Variants in SCFD2 observed in about 807,000 individuals in gnomAD.
SCFD2 encodes the protein sec1 family domain containing 2.
A neutral mutation model predicts 58.9 loss-of-function variants in SCFD2; 54 were observed. The ratio of observed to expected loss-of-function variants is 0.92; its 90% CI spans 0.74 to 1.15. The LOEUF (loss-of-function observed/expected upper bound fraction) is 1.15, where lower values mean the gene tolerates loss of function less well. Ranked by LOEUF, SCFD2 falls within the 50% of genes most tolerant of loss-of-function variation. The pLI, the probability that SCFD2 is intolerant of heterozygous loss-of-function variation, is 0.00. For missense variants in SCFD2, 805 were observed against 836.6 expected, an observed-to-expected ratio of 0.96 and a Z score of 0.47; for synonymous variants, 321 against 335.9, an observed-to-expected ratio of 0.96 and a Z score of 0.49.
At chr4:52,919,314 C>T (rs1212471568) in intron 6 of SCFD2, among the ~76,000 whole-genome samples, 1 of 152,212 alleles carries the variant, frequency 6.6e-6, no homozygotes, top group African/African-American at 2.4e-5. Flanking sequence ...CATCATATAT[C>T]ACTAGTTCTA....
intron 5 of SCFD2, among the ~76,000 whole-genome samples, chr4:53,000,568 G>T (rs1229592578): frequency 6.6e-6 from 1 of 152,196 alleles, no homozygotes; most frequent in Non-Finnish European, 1.5e-5. Context: ...GGAGCCAGGG[G>T]ATCCATAAGC....
intron 4 of SCFD2, among the ~76,000 whole-genome samples, chr4:53,234,666 A>G (rs1202059296): frequency 1.3e-5 from 2 of 152,194 alleles, no homozygotes; most frequent in African/African-American, 2.4e-5. Context: ...ATATTCATAC[A>G]CTACTTCCAA....
intron 1 of SCFD2, among the ~76,000 whole-genome samples, chr4:53,357,184 G>A (rs28396593): frequency 0.11 from 16,909 of 151,992 alleles, 1,717 homozygotes; most frequent in South Asian, 0.28. Flanking sequence ...CACTTTGGGA[G>A]GCTGAGGTGG....
chr4:53,029,245 A>C (rs925449065), intron 5 of SCFD2, among the ~76,000 whole-genome samples: 5 of 152,174 alleles, frequency 3.3e-5, no homozygotes, highest in Non-Finnish European at 7.3e-5. Context: ...CTTACGAAAA[A>C]AAAAATTTAA....
intron 4 of SCFD2, among the ~76,000 whole-genome samples, chr4:53,229,735 CAA>C (rs1729364689): frequency 6.6e-6 from 1 of 152,142 alleles, no homozygotes; most frequent in African/African-American, 2.4e-5. Context: ...TCTAAAACAC[CAA>C]AAGCAATGGC....
intron 4 of SCFD2, among the ~76,000 whole-genome samples, chr4:53,263,580 A>G (rs1278723291): frequency 6.6e-6 from 1 of 152,212 alleles, no homozygotes; most frequent in Non-Finnish European, 1.5e-5. Flanking sequence ...GAGTGTCTGC[A>G]AAGAGTCCTA....
chr4:52,936,808 T>C (rs1300396043), intron 5 of SCFD2, among the ~76,000 whole-genome samples: 2 of 152,258 alleles, frequency 1.3e-5, no homozygotes, highest in Non-Finnish European at 2.9e-5. Flanking sequence ...ATTTATCACC[T>C]TCGCTTCTGC....
chr4:52,901,008 T>C (rs1719184216), intron 7 of SCFD2, among the ~76,000 whole-genome samples: 1 of 152,168 alleles, frequency 6.6e-6, no homozygotes, highest in Non-Finnish European at 1.5e-5. Context: ...AGTATTAGGG[T>C]GGGAGTGACC....
chr4:53,173,360 A>T (rs564683447), intron 4 of SCFD2, among the ~76,000 whole-genome samples: 1 of 152,324 alleles, frequency 6.6e-6, no homozygotes, highest in South Asian at 2.1e-4. Flanking sequence ...TCAAAAAATC[A>T]TAAGTCAATC....
At chr4:52,913,150 C>T (rs1351116100) in intron 6 of SCFD2, among the ~76,000 whole-genome samples, 2 of 152,126 alleles carry the variant, frequency 1.3e-5, no homozygotes. Flanking sequence ...AATAGGAGAT[C>T]TGTGCCCTGC....
At chr4:52,895,381 C>T (rs566857289) in intron 7 of SCFD2, among the ~76,000 whole-genome samples, 1 of 152,158 alleles carries the variant, frequency 6.6e-6, no homozygotes, top group East Asian at 1.9e-4. Flanking sequence ...TCCTTGTGTT[C>T]TCATTGTTCA....
At chr4:53,296,791 C>T (rs950910345) in intron 3 of SCFD2, among the ~76,000 whole-genome samples, 1 of 152,144 alleles carries the variant, frequency 6.6e-6, no homozygotes, top group Admixed American at 6.5e-5. Flanking sequence ...ATAAATTTCC[C>T]TCTGCACACT....
chr4:52,964,803 T>C (rs1415795708), intron 5 of SCFD2, among the ~76,000 whole-genome samples: 1 of 151,994 alleles, frequency 6.6e-6, no homozygotes, highest in Non-Finnish European at 1.5e-5. Context: ...TGAGTACTCC[T>C]AAGGGTGAGC....
At chr4:53,251,428 A>C (rs1243572276) in intron 4 of SCFD2, among the ~76,000 whole-genome samples, 20 of 152,192 alleles carry the variant, frequency 1.3e-4, no homozygotes, top group South Asian at 1.0e-3. Context: ...GAGACACAAC[A>C]AAAAAAGAGA....
intron 4 of SCFD2, among the ~76,000 whole-genome samples, chr4:53,262,266 G>A (rs767712515): frequency 3.9e-5 from 6 of 152,130 alleles, no homozygotes; most frequent in Non-Finnish European, 7.4e-5. Flanking sequence ...TTAGTATTAA[G>A]ATGTCAGGTA....
At chr4:53,295,682 G>A (rs1732003130) in intron 3 of SCFD2, among the ~76,000 whole-genome samples, 1 of 152,192 alleles carries the variant, frequency 6.6e-6, no homozygotes, top group East Asian at 1.9e-4. Context: ...CGTTGAAAAG[G>A]AGTGGTGAGA....
chr4:53,348,717 ATTTT>A (rs200497451), intron 2 of SCFD2, among the ~76,000 whole-genome samples: 2 of 141,672 alleles, frequency 1.4e-5, no homozygotes, highest in Admixed American at 7.1e-5. Flanking sequence ...TTATGACCAT[ATTTT>A]TTTTTTTTTT....
At chr4:52,938,939 G>A (rs1186458541) in intron 5 of SCFD2, among the ~76,000 whole-genome samples, 5 of 152,132 alleles carry the variant, frequency 3.3e-5, no homozygotes, top group Admixed American at 2.0e-4. Context: ...ATGAGTGGCA[G>A]GGACATGTGC....
intron 4 of SCFD2, among the ~76,000 whole-genome samples, chr4:53,254,974 G>A (rs187522587): frequency 2.8e-3 from 424 of 150,534 alleles, no homozygotes; most frequent in African/African-American, 9.9e-3. Flanking sequence ...CTGGGTTCAC[G>A]CCATTCTCCT....
Sources: allele counts gnomAD v4.1 joint callset (sites outside exome capture counted in the v4.1 genomes callset), GRCh38; gene constraint gnomAD v4.1.1; transcripts MANE v1.5; gene names NCBI Gene and HGNC (gene_info 2026-07-23, HGNC 2026-07-21).